The following ENOX2 variants were observed in gnomAD, a reference collection of about 807,000 sequenced individuals.
The protein encoded by ENOX2 is ecto-NOX disulfide-thiol exchanger 2, also known as APK1 antigen.
ENOX2 carries 36 observed loss-of-function variants against 45.0 expected under a neutral mutation model. The ratio of observed to expected loss-of-function variants is 0.80; its 90% CI spans 0.61 to 1.06. ENOX2 has a LOEUF of 1.06. Ranked by LOEUF, ENOX2 falls within the 50% of genes least tolerant of loss-of-function variation. The pLI is 0.00. For missense variants in ENOX2, 423 were observed against 462.5 expected (o/e 0.91, Z 0.78); for synonymous variants, 174 against 152.3 (o/e 1.14, Z -1.05).
chrX:130,769,341 A>G (rs2039687753), intron 3 of ENOX2, among the ~76,000 whole-genome samples: 2 of 111,832 alleles, frequency 1.8e-5, no homozygotes, highest in African/African-American at 6.5e-5. Flanking sequence ...AGATGTCACT[A>G]ACATTTGGAC....
intron 6 of ENOX2, among the ~76,000 whole-genome samples, chrX:130,671,520 A>G (rs1240893533): frequency 8.9e-6 from 1 of 111,917 alleles, no homozygotes; most frequent in Non-Finnish European, 1.9e-5. Flanking sequence ...CATAAGGCAG[A>G]GTACCAGAAA....
chrX:130,770,463 A>G (rs1456959701), intron 3 of ENOX2, among the ~76,000 whole-genome samples: 2 of 111,751 alleles, frequency 1.8e-5, no homozygotes, highest in Non-Finnish European at 3.8e-5. Context: ...GTGAAAGAAC[A>G]CAGCACAAAC....
intron 3 of ENOX2, among the ~76,000 whole-genome samples, chrX:130,704,087 C>T (rs751419804): frequency 2.7e-5 from 3 of 111,571 alleles, no homozygotes; most frequent in South Asian, 3.8e-4. Flanking sequence ...AGAGAAGTTT[C>T]GAAAGGTCAA....
intron 2 of ENOX2, among the ~76,000 whole-genome samples, chrX:130,880,020 A>T (rs2078779390): frequency 8.9e-6 from 1 of 111,921 alleles, no homozygotes; most frequent in Non-Finnish European, 1.9e-5. Context: ...GGTGGCCCTG[A>T]GAGGCACTTT....
At chrX:130,759,781 C>G (rs2039439481) in intron 3 of ENOX2, among the ~76,000 whole-genome samples, 1 of 108,668 alleles carries the variant, frequency 9.2e-6, no homozygotes, top group African/African-American at 3.4e-5. Flanking sequence ...ATTGATTTAG[C>G]TCTTATAGGA....
intron 3 of ENOX2, among the ~76,000 whole-genome samples, chrX:130,716,405 T>C (rs2038330667): frequency 9.0e-6 from 1 of 110,508 alleles, no homozygotes; most frequent in Non-Finnish European, 1.9e-5. Flanking sequence ...ACCTATTTGC[T>C]TTTTTCCTCT....
At chrX:130,866,309 A>C (rs766310206) in intron 2 of ENOX2, among the ~76,000 whole-genome samples, 50 of 111,785 alleles carry the variant, frequency 4.5e-4, no homozygotes, top group Admixed American at 4.8e-4. Context: ...TTCTATTTCC[A>C]ACCTCTCATT....
chrX:130,773,424 T>TA (rs2039786317), intron 3 of ENOX2, among the ~76,000 whole-genome samples: 1 of 112,343 alleles, frequency 8.9e-6, no homozygotes, highest in South Asian at 3.7e-4. Context: ...CCTCAGGTTT[T>TA]TAAAAAATCT....
rs183974043 is a variant in ENOX2, at chrX:130,670,398, C to A, written c.461-200G>T. Among the ~76,000 whole-genome samples, 10 of 111,700 alleles carry A rather than the reference C, an allele frequency of 9.0e-5. No homozygotes were observed. In the East Asian group the frequency reaches 2.5e-3, roughly 28 times the overall value. On this transcript the variant is annotated intron_variant, in intron 6 of 14. Coordinates refer to ENST00000394363, the MANE Select transcript of ENOX2 (RefSeq NM_006375.4). ...CTCTCCCCATGCTTAGCAAGTAAAT[C>A]ATCAAAAGATTTAGATTATCTCTGA... is the stretch of plus-strand genomic sequence containing the variant.
chrX:130,852,037 A>C (rs1462119375), intron 2 of ENOX2, among the ~76,000 whole-genome samples: 1 of 112,079 alleles, frequency 8.9e-6, no homozygotes, highest in African/African-American at 3.2e-5. Flanking sequence ...TGCTGTTTTC[A>C]GAAAGACCTT....
intron 2 of ENOX2, among the ~76,000 whole-genome samples, chrX:130,870,095 G>A (rs1281249980): frequency 1.8e-5 from 2 of 111,294 alleles, no homozygotes; most frequent in Non-Finnish European, 3.8e-5. Context: ...CTTTAGAGAT[G>A]ATCCAAGTAA....
intron 2 of ENOX2, among the ~76,000 whole-genome samples, chrX:130,853,940 C>G (rs763533419): frequency 9.0e-6 from 1 of 111,534 alleles, no homozygotes; most frequent in African/African-American, 3.3e-5. Flanking sequence ...CCCCTGCCAG[C>G]ATGATGTCAG....
chrX:130,823,139 G>T lies in ENOX2; in HGVS notation c.-182-39449C>A, dbSNP rs191734182. Reference sequence around the variant, plus strand: ...AGCATCACCTGGAAGTCTAACAGAAGAACACCCACACTAAACTCCTCTAAC... The same window carrying T: ...AGCATCACCTGGAAGTCTAACAGAATAACACCCACACTAAACTCCTCTAAC... On this transcript the variant is annotated intron_variant, in intron 2 of 14. Coordinates refer to ENST00000394363, the MANE Select transcript of ENOX2 (RefSeq NM_006375.4). Among the ~76,000 whole-genome samples, 460 of 111,837 alleles carry T rather than the reference G, an allele frequency of 4.1e-3. 2 individuals are homozygous for T. Among genetic ancestry groups the T allele is most frequent in the African/African-American group, 0.014 (444 of 30,788 alleles).
intron 2 of ENOX2, among the ~76,000 whole-genome samples, chrX:130,849,991 A>G (rs1479257099): frequency 8.9e-6 from 1 of 111,814 alleles, no homozygotes; most frequent in Non-Finnish European, 1.9e-5. Flanking sequence ...GCCTTCATGG[A>G]TCCTGTGAAC....
chrX:130,772,994 G>A (rs1278264091), intron 3 of ENOX2, among the ~76,000 whole-genome samples: 2 of 112,093 alleles, frequency 1.8e-5, no homozygotes, highest in Non-Finnish European at 1.9e-5. Context: ...CAGCATAATT[G>A]CAAATAATTG....
chrX:130,689,478 T>C (rs1380694381), intron 4 of ENOX2, among the ~76,000 whole-genome samples: 4 of 112,337 alleles, frequency 3.6e-5, no homozygotes, highest in Non-Finnish European at 7.5e-5. Flanking sequence ...TTCCATTTCC[T>C]CATCTGCAAA....
rs1402939462 is a variant in ENOX2, at chrX:130,623,394, C to T, written c.*1920G>A. ...TTTTCTTTTATTTTTTAAGTAAGTT[C>T]CGGGGTACATGTGCAGGATGTGCAG... On this transcript the variant is annotated 3_prime_UTR_variant, in exon 15 of 15. Coordinates refer to ENST00000394363, the MANE Select transcript of ENOX2 (RefSeq NM_006375.4). The T allele has an allele frequency of 9.2e-6, 1 of 109,248 alleles. No individual in the cohort carries two copies. Among genetic ancestry groups the T allele is most frequent in the East Asian group, 2.9e-4 (1 of 3,480 alleles). The allele number at this position is 109,248 out of a possible 1,213,427, so 9.0% of individuals were successfully genotyped here. A position where few individuals can be genotyped will look rare whatever the true frequency, so the allele number is the denominator to read the frequency against.
chrX:130,652,836 A>G (rs2036440584), intron 10 of ENOX2, among the ~76,000 whole-genome samples: 1 of 112,370 alleles, frequency 8.9e-6, no homozygotes, highest in African/African-American at 3.2e-5. Context: ...CAGACAAGGA[A>G]CATCAAAGAT....
At chrX:130,770,806 T>C (rs1346830639) in intron 3 of ENOX2, among the ~76,000 whole-genome samples, 1 of 112,183 alleles carries the variant, frequency 8.9e-6, no homozygotes, top group Non-Finnish European at 1.9e-5. Flanking sequence ...GATTCTGACT[T>C]GGTGAAGCCT....
Sources: gnomAD v4.1 joint callset for allele counts (sites outside exome capture counted in the v4.1 genomes callset) on GRCh38, gnomAD v4.1.1 for gene constraint, MANE v1.5 for transcripts, NCBI Gene and HGNC (gene_info 2026-07-23, HGNC 2026-07-21) for gene names.